TMTC4: variants seen among roughly 807,000 people sequenced by gnomAD.
The protein encoded by TMTC4 is transmembrane O-mannosyltransferase targeting cadherins 4.
TMTC4 carries 65 observed loss-of-function variants against 86.0 expected under a neutral mutation model. The observed-to-expected ratio is 0.76, with a 90% confidence interval of 0.62 to 0.93. The LOEUF (loss-of-function observed/expected upper bound fraction) is 0.93. Ranked by LOEUF, TMTC4 falls within the 40% of genes least tolerant of loss-of-function variation. TMTC4 has a pLI of 0.00. For missense variants in TMTC4, 866 were observed against 948.1 expected, an observed-to-expected ratio of 0.91 and a Z score of 1.14; for synonymous variants, 379 against 382.5, an observed-to-expected ratio of 0.99 and a Z score of 0.11.
At position 100,625,652 on chromosome 13, in the gene TMTC4, C is replaced by G; in HGVS notation, c.1719G>C (p.Met573Ile). The G allele has an allele frequency of 6.2e-7, 1 of 1,614,162 alleles. No individual in the cohort carries two copies. The highest frequency in any genetic ancestry group is 8.5e-7 in the Non-Finnish European group (1 of 1,180,006). The change falls in exon 15 of 19, where the codon ATG becomes ATC. Residue 573 changes from methionine to isoleucine, a missense_variant. Met to Ile is a conservative substitution (Grantham distance 10). Coordinates refer to ENST00000342624, the MANE Select transcript of TMTC4 (RefSeq NM_032813.5). ...QIQPDFAAAW[M>I]NLGIVQNSLK... ...GGCTATTCTGCACTATGCCTAGATT[C>G]ATCCACGCAGCGGCAAAGTCTGGCC...
At chr13:100,674,024 AG>A in intron 1 of TMTC4, 1 of 985,346 alleles carries the variant, frequency 1.0e-6, no homozygotes. Flanking sequence ...TTTAAAAAAA[AG>A]AAAAACACAC....
intron 7 of TMTC4, among the ~76,000 whole-genome samples, chr13:100,641,689 G>T (rs1225432852): frequency 5.3e-5 from 8 of 152,188 alleles, no homozygotes; most frequent in African/African-American, 1.7e-4. Flanking sequence ...GTTTCTCCAT[G>T]TTGGTCAGGC....
chr13:100,622,270 C>A (rs74118110), intron 15 of TMTC4, among the ~76,000 whole-genome samples: 1 of 152,140 alleles, frequency 6.6e-6, no homozygotes, highest in Admixed American at 6.5e-5. Context: ...TCTGTGCCCA[C>A]GAAGAAATAA....
At chr13:100,619,066 G>GTTGTTGCTTCTTTTGAGAGGGAATGTTAA (rs1172913890) in intron 15 of TMTC4, among the ~76,000 whole-genome samples, 2 of 151,976 alleles carry the variant, frequency 1.3e-5, no homozygotes, top group African/African-American at 4.8e-5. Context: ...AGTAGGGGCG[G>GTTGTTGCTTCTTTTGAGAGGGAATGTTAA]CCGGGCAGAG....
rs1413200633 is a variant in TMTC4, at chr13:100,635,006, A to C, written c.1374+18T>G. 1 of 1,609,672 alleles carries C rather than the reference A, an allele frequency of 6.2e-7. No individual in the cohort carries two copies. Among genetic ancestry groups the C allele is most frequent in the Non-Finnish European group, 8.5e-7 (1 of 1,176,848 alleles). ...CCGGTCATTCTGTTCATCAGCTGGCACCACTCTCAGTTGATACCTTTTTCT... is the reference window on the plus strand; with the variant it reads ...CCGGTCATTCTGTTCATCAGCTGGCCCCACTCTCAGTTGATACCTTTTTCT... On this transcript the variant is annotated intron_variant, in intron 11 of 18. Transcript: ENST00000342624.
intron 6 of TMTC4, among the ~76,000 whole-genome samples, chr13:100,644,049 C>T (rs1883381267): frequency 6.6e-6 from 1 of 151,842 alleles, no homozygotes; most frequent in Non-Finnish European, 1.5e-5. Context: ...GGAAGGCCTT[C>T]CTGTCCTGAA....
rs1885112429 is a variant in TMTC4 at position 100,656,415 on chromosome 13, T to C, written c.606A>G (p.Leu202=). 1.2e-6 allele frequency: 2 copies of C among 1,612,636 alleles called. No homozygotes were observed. Among genetic ancestry groups the C allele is most frequent in the Non-Finnish European group, 1.7e-6 (2 of 1,179,648 alleles). The change falls in exon 6 of 19, where the codon TTA becomes TTG. Residue 202 remains leucine (L), a synonymous_variant. Coordinates refer to ENST00000342624, the MANE Select transcript of TMTC4 (RefSeq NM_032813.5). ...ATGCTTTACAGTAGCCAAGGAAAGA[T>C]AACAAGAAGAACAGGGCACACAGGA... The part of the protein sequence containing the change: ...ADLLCALFFL[L]SFLGYCKAFR...
intron 12 of TMTC4, among the ~76,000 whole-genome samples, chr13:100,634,504 C>T (rs1171839887): frequency 6.6e-6 from 1 of 152,062 alleles, no homozygotes; most frequent in Non-Finnish European, 1.5e-5. Context: ...AATGTCACCT[C>T]CCCTGAAGCT....
chr13:100,633,441 C>T (rs559601141), intron 12 of TMTC4, among the ~76,000 whole-genome samples: 1 of 151,314 alleles, frequency 6.6e-6, no homozygotes, highest in East Asian at 2.0e-4. Flanking sequence ...TTATCCACTT[C>T]TGATAGAAAA....
intron 6 of TMTC4, among the ~76,000 whole-genome samples, chr13:100,655,920 G>A (rs1266299867): frequency 6.6e-6 from 1 of 152,188 alleles, no homozygotes; most frequent in African/African-American, 2.4e-5. Flanking sequence ...CAGGGCCTGA[G>A]CCTGGGTTCA....
intron 7 of TMTC4, among the ~76,000 whole-genome samples, chr13:100,640,372 T>TA (rs1230112917): frequency 2.6e-5 from 4 of 151,604 alleles, no homozygotes; most frequent in Middle Eastern, 3.4e-3. Context: ...TAGAGCAAAT[T>TA]AAAAAAAAAT....
In TMTC4 at chr13:100,656,446, G is replaced by A. The variant is rs1364085211; in HGVS notation, c.575C>T (p.Ala192Val). ...GAAGAACAGGGCACACAGGAGGTCT[G>A]CACGGCCGACAACACCAGCAACCTT... ...TECVAGVVGR[A>V]DLLCALFFLL... The change falls in exon 6 of 19, where the codon GCA becomes GTA. Residue 192 changes from alanine to valine, a missense_variant. Physicochemically the swap from Ala to Val is moderately conservative, Grantham distance 64. Transcript: ENST00000342624. The A allele has an allele frequency of 6.2e-7, 1 of 1,610,066 alleles. No individual in the cohort carries two copies. The highest frequency in any genetic ancestry group is 2.2e-5 in the East Asian group (1 of 44,646).
chr13:100,618,587 TAAAC>T (rs979087086), intron 15 of TMTC4, among the ~76,000 whole-genome samples: 8 of 151,834 alleles, frequency 5.3e-5, no homozygotes, highest in Non-Finnish European at 8.8e-5. Flanking sequence ...GGTCAGCAGA[TAAAC>T]AAGTGAACAA....
intron 15 of TMTC4, chr13:100,624,127 C>A (rs1880034037): frequency 5.8e-6 from 1 of 172,236 alleles, no homozygotes; most frequent in African/African-American, 2.4e-5. Context: ...GAGATCTAGA[C>A]CATCCTGGCT....
intron 17 of TMTC4, among the ~76,000 whole-genome samples, chr13:100,609,698 CA>C (rs1877256596): frequency 6.6e-6 from 1 of 151,864 alleles, no homozygotes; most frequent in African/African-American, 2.4e-5. Context: ...CACACACACA[CA>C]CACCCATACA....
intron 17 of TMTC4, among the ~76,000 whole-genome samples, chr13:100,609,181 C>T (rs1217353341): frequency 6.6e-6 from 1 of 152,108 alleles, no homozygotes; most frequent in Non-Finnish European, 1.5e-5. Context: ...TGGGCCCCAC[C>T]CTCTAACATA....
At chr13:100,635,397 T>C (rs946839) in intron 10 of TMTC4, among the ~76,000 whole-genome samples, 124,788 of 152,024 alleles carry the variant, frequency 0.82, 51,825 homozygotes, top group East Asian at 0.99. Context: ...AATATTCCTC[T>C]GGCACTTCAC....
intron 2 of TMTC4, among the ~76,000 whole-genome samples, chr13:100,669,217 G>C (rs1228843313): frequency 1.3e-5 from 2 of 152,204 alleles, no homozygotes; most frequent in Admixed American, 6.5e-5. Flanking sequence ...GTGTGTGGCA[G>C]GGGAGAGGGT....
chr13:100,613,252 C>G (rs564523265), intron 16 of TMTC4, among the ~76,000 whole-genome samples: 2 of 152,254 alleles, frequency 1.3e-5, no homozygotes, highest in East Asian at 3.9e-4. Flanking sequence ...CTTCCCAGCC[C>G]CTAGGAACTA....
Sources: allele counts gnomAD v4.1 joint callset (sites outside exome capture counted in the v4.1 genomes callset), GRCh38; gene constraint gnomAD v4.1.1; transcripts MANE v1.5; gene names NCBI Gene and HGNC (gene_info 2026-07-23, HGNC 2026-07-21).